NOD1: variants seen among roughly 807,000 people sequenced by gnomAD.
NOD1 encodes nucleotide-binding oligomerization domain-containing protein 1.
NOD1 carries 70 observed loss-of-function variants against 81.2 expected under a neutral mutation model. The observed-to-expected ratio is 0.86, with a 90% confidence interval of 0.71 to 1.05. NOD1 has a LOEUF of 1.05. Ranked by LOEUF, NOD1 falls within the 50% of genes least tolerant of loss-of-function variation. The pLI is 0.00. For missense variants in NOD1, 1,233 were observed against 1,228.0 expected, an observed-to-expected ratio of 1.00 and a Z score of -0.06; for synonymous variants, 508 against 526.9, an observed-to-expected ratio of 0.96 and a Z score of 0.49.
chr7:30,453,434 T>G (rs1409984831), intron 5 of NOD1, among the ~76,000 whole-genome samples: 1 of 152,112 alleles, frequency 6.6e-6, no homozygotes, highest in Non-Finnish European at 1.5e-5. Flanking sequence ...CAACACTGCT[T>G]TTTTGTTGTT....
In NOD1 at chr7:30,434,595, A is replaced by G. The variant is rs2284357; in HGVS notation, c.2621+1403T>C. 1.8e-3 allele frequency among the ~76,000 whole-genome samples: 272 copies of G among 152,310 alleles called. 4 individuals are homozygous for G. In the East Asian group the frequency reaches 0.041, roughly 23 times the overall value. The stretch of plus-strand genomic sequence containing the variant: ...TTTGCATATCTTTGAACATACATAG[A>G]ACAAAAGGCTAGAAAGGAAAGGTTA... On this transcript the variant is annotated intron_variant, in intron 11 of 13. Coordinates refer to ENST00000222823, the MANE Select transcript of NOD1 (RefSeq NM_006092.4).
In NOD1 at chr7:30,452,589, G is replaced by A. The variant is rs1326315896; in HGVS notation, c.828C>T (p.Pro276=). Residue 276 remains proline (P), a synonymous_variant, in exon 6 of 14, where the codon CCC becomes CCT. Coordinates refer to ENST00000222823, the MANE Select transcript of NOD1 (RefSeq NM_006092.4). ...CATCGAAGGTGAAGAGGGCCACGTGGGGGAAGCGCAGCAGGAAGGCAAACA... is the reference window on the plus strand; with the variant it reads ...CATCGAAGGTGAAGAGGGCCACGTGAGGGAAGCGCAGCAGGAAGGCAAACA... ...EEVFAFLLRF[P]HVALFTFDGL... The A allele has an allele frequency of 6.2e-7, 1 of 1,613,482 alleles. No homozygotes were observed. The highest frequency in any genetic ancestry group is 1.3e-5 in the African/African-American group (1 of 74,946).
At chr7:30,446,758 GC>G in intron 8 of NOD1, 1 of 548,106 alleles carries the variant, frequency 1.8e-6, no homozygotes, top group East Asian at 3.0e-5. Context: ...AAATCAAAAT[GC>G]CAACCTTTCC....
intron 3 of NOD1, among the ~76,000 whole-genome samples, chr7:30,457,671 G>T (rs1336633505): frequency 1.3e-5 from 2 of 152,088 alleles, no homozygotes; most frequent in African/African-American, 4.8e-5. Context: ...GGTTAACAGG[G>T]CTTGGAGGTT....
chr7:30,462,948 C>CAAA (rs11313806), intron 1 of NOD1, among the ~76,000 whole-genome samples: 9 of 101,308 alleles, frequency 8.9e-5, no homozygotes, highest in Non-Finnish European at 1.6e-4. Flanking sequence ...GACTCCATCT[C>CAAA]AAAAAAAAAA....
chr7:30,472,471 T>C (rs145930052), intron 1 of NOD1, among the ~76,000 whole-genome samples: 233 of 152,404 alleles, frequency 1.5e-3, no homozygotes, highest in African/African-American at 5.3e-3. Flanking sequence ...TGACATGCTG[T>C]TGTTTTCACT....
At chr7:30,469,428 T>C (rs1482412203) in intron 1 of NOD1, among the ~76,000 whole-genome samples, 1 of 152,002 alleles carries the variant, frequency 6.6e-6, no homozygotes, top group Non-Finnish European at 1.5e-5. Context: ...TCCCTCTAGC[T>C]CCCTCTGTCT....
rs780175134 is a variant in NOD1 at position 30,452,766 on chromosome 7, G to A, written c.651C>T (p.Ser217=). The change falls in exon 6 of 14, where the codon AGC becomes AGT. Residue 217 remains serine (S), a synonymous_variant. Transcript: ENST00000222823. ...CGTCTAGCCGGCCCGTGGCCCAGAGGCTCTGCAGCCGCTGTAGCAGCATGG... is the reference window on the plus strand; with the variant it reads ...CGTCTAGCCGGCCCGTGGCCCAGAGACTCTGCAGCCGCTGTAGCAGCATGG... ...GKSMLLQRLQ[S]LWATGRLDAG... is the part of the protein sequence containing the mutation. 17 of 1,613,964 alleles carry A rather than the reference G, an allele frequency of 1.1e-5. No homozygotes were observed. Among genetic ancestry groups the A allele is most frequent in the Non-Finnish European group, 1.4e-5 (17 of 1,180,042 alleles).
intron 9 of NOD1, among the ~76,000 whole-genome samples, chr7:30,439,296 C>A (rs892250119): frequency 2.1e-5 from 3 of 141,084 alleles, no homozygotes; most frequent in Non-Finnish European, 4.4e-5. Context: ...CAGCTCCCAG[C>A]GTGAGCGACG....
intron 9 of NOD1, among the ~76,000 whole-genome samples, chr7:30,445,278 TA>T (rs55875433): frequency 0.072 from 4,968 of 69,202 alleles, 145 homozygotes; most frequent in African/African-American, 0.18. Context: ...AAAAAGAATC[TA>T]AAAAAAAAAA....
intron 7 of NOD1, 141 bp from the exon 8 acceptor site, chr7:30,447,191 C>T (rs1785200132): frequency 7.0e-7 from 1 of 1,432,218 alleles, no homozygotes; most frequent in Non-Finnish European, 9.6e-7. Context: ...GTTTAGGGCT[C>T]TGAGGTCTCA....
intron 1 of NOD1, among the ~76,000 whole-genome samples, chr7:30,462,388 GA>G (rs1787186809): frequency 6.7e-6 from 1 of 149,716 alleles, no homozygotes; most frequent in Non-Finnish European, 1.5e-5. Context: ...TCCCCTTCTA[GA>G]AACCCGCCTT....
chr7:30,453,144 A>G lies in NOD1; in HGVS notation c.377-104T>C, dbSNP rs551495031. On this transcript the variant is annotated intron_variant, in intron 5 of 13. Coordinates refer to ENST00000222823, the MANE Select transcript of NOD1 (RefSeq NM_006092.4). ...GAGGAGAGGCGAGTGCATAAACAAA[A>G]TTCACAACCTGGGCCCTGAGGCCAG... 6.1e-5 allele frequency: 79 copies of G among 1,304,312 alleles called. 2 individuals are homozygous for G. In the Admixed American group the frequency reaches 1.6e-3, roughly 26 times the overall value. 80.8% of individuals were successfully genotyped at this position (1,304,312 alleles called of 1,614,324 possible).
At chr7:30,458,524 CTT>C (rs1281335483) in intron 3 of NOD1, among the ~76,000 whole-genome samples, 1 of 152,128 alleles carries the variant, frequency 6.6e-6, no homozygotes, top group African/African-American at 2.4e-5. Context: ...GTCTCCTGCT[CTT>C]TGACATGCTT....
intron 12 of NOD1, among the ~76,000 whole-genome samples, chr7:30,430,353 T>A (rs1783841646): frequency 6.6e-6 from 1 of 152,220 alleles, no homozygotes; most frequent in African/African-American, 2.4e-5. Flanking sequence ...AAATGCTCCC[T>A]TGGGCAGCTA....
In NOD1 at chr7:30,452,605, A is replaced by T. The variant is rs1785891907; in HGVS notation, c.812T>A (p.Phe271Tyr). The T allele has an allele frequency of 5.0e-6, 8 of 1,613,598 alleles. No individual in the cohort carries two copies. The highest frequency in any genetic ancestry group is 6.8e-6 in the Non-Finnish European group (8 of 1,180,030). The change falls in exon 6 of 14, where the codon TTC becomes TAC. Residue 271 changes from phenylalanine to tyrosine, a missense_variant. Coordinates refer to ENST00000222823, the MANE Select transcript of NOD1 (RefSeq NM_006092.4). ...PERDPEEVFA[F>Y]LLRFPHVALF... ...GGCCACGTGGGGGAAGCGCAGCAGG[A>T]AGGCAAACACCTCCTCGGGGTCCCG... is the stretch of plus-strand genomic sequence containing the variant.
At chr7:30,426,756 G>C (rs1783491207) in intron 13 of NOD1, among the ~76,000 whole-genome samples, 1 of 151,920 alleles carries the variant, frequency 6.6e-6, no homozygotes, top group South Asian at 2.1e-4. Flanking sequence ...CTGAACCCTG[G>C]GGCACAGCAG....
chr7:30,467,457 G>A lies in NOD1; in HGVS notation c.-351-7416C>T, dbSNP rs762295199. ...GGCAGGCCAGCACAACATTCTCAGC[G>A]ACTGCCTTGTTTTGAGGAACTATGA... is the stretch of plus-strand genomic sequence containing the variant. On this transcript the variant is annotated intron_variant, in intron 1 of 13. Transcript: ENST00000222823. This position sits in a 1 kb window ranked among gnomAD's most constrained non-coding sequence, Gnocchi z 4.5. Among the ~76,000 whole-genome samples, 40 of 152,160 alleles carry A rather than the reference G, an allele frequency of 2.6e-4. No homozygotes were observed. The highest frequency in any genetic ancestry group is 5.3e-4 in the Non-Finnish European group (36 of 68,002).
At chr7:30,431,351 A>C (rs58258693) in intron 12 of NOD1, among the ~76,000 whole-genome samples, 259 of 152,374 alleles carry the variant, frequency 1.7e-3, no homozygotes, top group African/African-American at 5.6e-3. Context: ...GAATGGTCTA[A>C]ACAATCTTGA....
Sources: allele counts gnomAD v4.1 joint callset (sites outside exome capture counted in the v4.1 genomes callset), GRCh38; gene constraint gnomAD v4.1.1; non-coding constraint Gnocchi (gnomAD v3.1); transcripts MANE v1.5; gene names NCBI Gene and HGNC (gene_info 2026-07-23, HGNC 2026-07-21).